Variants in NKAIN3 observed in about 807,000 individuals in gnomAD.
NKAIN3 encodes sodium/potassium transporting ATPase interacting 3, also known as sodium/potassium-transporting ATPase subunit beta-1-interacting protein 3.
A neutral mutation model predicts 30.2 loss-of-function variants in NKAIN3; 25 were observed. The observed-to-expected ratio is 0.83, with a 90% confidence interval of 0.60 to 1.16. The LOEUF (loss-of-function observed/expected upper bound fraction) is 1.16, where lower values mean the gene tolerates loss of function less well. NKAIN3 is among the 50% of genes most tolerant of loss of function. The pLI is 0.00. For missense variants in NKAIN3, 225 were observed against 254.1 expected, an observed-to-expected ratio of 0.89 and a Z score of 0.78; for synonymous variants, 91 against 89.6, an observed-to-expected ratio of 1.02 and a Z score of -0.09.
intron 1 of NKAIN3, among the ~76,000 whole-genome samples, chr8:62,568,820 C>T (rs1022479595): frequency 6.6e-6 from 1 of 152,122 alleles, no homozygotes. Flanking sequence ...GACTAAAACA[C>T]ATATAAACAG....
chr8:62,950,273 C>T (rs1247565237), intron 5 of NKAIN3, among the ~76,000 whole-genome samples: 2 of 152,014 alleles, frequency 1.3e-5, no homozygotes, highest in Non-Finnish European at 2.9e-5. Context: ...TTTAATTTGC[C>T]CCTTTACTTG....
intron 1 of NKAIN3, among the ~76,000 whole-genome samples, chr8:62,570,823 C>T (rs1476652979): frequency 6.6e-6 from 1 of 152,084 alleles, no homozygotes; most frequent in Non-Finnish European, 1.5e-5. Flanking sequence ...ACTCTCATTC[C>T]ACTTGGATTT....
chr8:62,865,579 A>T, intron 4 of NKAIN3, among the ~76,000 whole-genome samples: 1 of 152,160 alleles, frequency 6.6e-6, no homozygotes, highest in South Asian at 2.1e-4. Flanking sequence ...GTGTTGTGTG[A>T]CATGCAAATG....
At chr8:62,281,825 G>A (rs968058638) in intron 1 of NKAIN3, among the ~76,000 whole-genome samples, 1 of 151,986 alleles carries the variant, frequency 6.6e-6, no homozygotes, top group African/African-American at 2.4e-5. Flanking sequence ...TTTCTTTTAT[G>A]TTGAGCAAAT....
intron 1 of NKAIN3, among the ~76,000 whole-genome samples, chr8:62,315,226 G>C (rs1218762216): frequency 6.6e-6 from 1 of 152,108 alleles, no homozygotes; most frequent in African/African-American, 2.4e-5. Flanking sequence ...GTCTAAAATG[G>C]AATTCATAGA....
chr8:62,715,551 C>A (rs1469544745), intron 3 of NKAIN3, among the ~76,000 whole-genome samples: 2 of 152,230 alleles, frequency 1.3e-5, no homozygotes, highest in East Asian at 3.9e-4. Flanking sequence ...TCCTCATCTG[C>A]AAGGTCAACA....
intron 1 of NKAIN3, among the ~76,000 whole-genome samples, chr8:62,395,268 C>T (rs1214337153): frequency 2.7e-5 from 4 of 149,872 alleles, no homozygotes; most frequent in Non-Finnish European, 5.9e-5. Flanking sequence ...CCTCACTTCC[C>T]AGACATTGCG....
intron 5 of NKAIN3, among the ~76,000 whole-genome samples, chr8:62,992,790 G>A (rs59202889): frequency 0.19 from 28,294 of 150,646 alleles, 2,849 homozygotes; most frequent in East Asian, 0.38. Flanking sequence ...AGAATTACCT[G>A]ATCCCTTCTG....
chr8:62,258,083 T>C (rs1812315789), intron 1 of NKAIN3, among the ~76,000 whole-genome samples: 1 of 152,196 alleles, frequency 6.6e-6, no homozygotes, highest in Non-Finnish European at 1.5e-5. Flanking sequence ...ACCTGTGTTG[T>C]AGCAATGTAT....
At chr8:62,394,662 G>A (rs78612272) in intron 1 of NKAIN3, among the ~76,000 whole-genome samples, 1 of 38,594 alleles carries the variant, frequency 2.6e-5, no homozygotes, top group Non-Finnish European at 1.1e-4. Context: ...TCCCAGACCT[G>A]GCGGCAGCGG....
intron 1 of NKAIN3, among the ~76,000 whole-genome samples, chr8:62,313,028 G>GA (rs1162581956): frequency 4.7e-4 from 69 of 147,780 alleles, no homozygotes; most frequent in South Asian, 4.3e-4. Context: ...AGGAATGTAA[G>GA]AAAAAAAAAA....
intron 3 of NKAIN3, among the ~76,000 whole-genome samples, chr8:62,595,590 G>A (rs907828600): frequency 2.0e-5 from 3 of 151,858 alleles, no homozygotes; most frequent in Non-Finnish European, 4.4e-5. Context: ...TGCCTAATTA[G>A]CATTTTAGTG....
chr8:62,366,287 T>C (rs6472016), intron 1 of NKAIN3, among the ~76,000 whole-genome samples: 145,890 of 150,468 alleles, frequency 0.97, 70,780 homozygotes, highest in East Asian at 1. Flanking sequence ...AGTGCAGTGG[T>C]GTGATTTCGG....
chr8:62,535,794 A>T (rs1288019032), intron 1 of NKAIN3, among the ~76,000 whole-genome samples: 2 of 152,070 alleles, frequency 1.3e-5, no homozygotes, highest in African/African-American at 4.8e-5. Flanking sequence ...TGACTTCAGC[A>T]TTCCTACTTC....
intron 5 of NKAIN3, among the ~76,000 whole-genome samples, chr8:62,937,926 C>T (rs186160609): frequency 1.2e-4 from 18 of 152,094 alleles, no homozygotes; most frequent in East Asian, 9.7e-4. Flanking sequence ...CTATCATTGC[C>T]GGCTTTCTCC....
intron 1 of NKAIN3, among the ~76,000 whole-genome samples, chr8:62,361,438 G>A (rs1816558969): frequency 6.6e-6 from 1 of 152,198 alleles, no homozygotes; most frequent in African/African-American, 2.4e-5. Flanking sequence ...GCAATAGTAG[G>A]AATTTTTTAA....
Position 62,957,559 on chromosome 8 carries a change from G to A in NKAIN3, c.603+3587G>A, listed in dbSNP as rs564775637. Among the ~76,000 whole-genome samples, 12 of 152,290 alleles carry A rather than the reference G, an allele frequency of 7.9e-5. No individual in the cohort carries two copies. In the South Asian group the frequency reaches 8.3e-4, roughly 11 times the overall value. On this transcript the variant is annotated intron_variant, in intron 6 of 6. Transcript: ENST00000623646. ...TAATGCTAAAAAGAAATGAGCTATG[G>A]CATCATGAAATGACATGGAGGAGCA...
chr8:62,383,912 C>T (rs1054969905), intron 1 of NKAIN3, among the ~76,000 whole-genome samples: 25 of 147,162 alleles, frequency 1.7e-4, no homozygotes, highest in African/African-American at 6.0e-4. Flanking sequence ...AGACCTTGGG[C>T]TGGATTTATG....
At chr8:62,891,160 C>T (rs1821286221) in intron 4 of NKAIN3, among the ~76,000 whole-genome samples, 1 of 152,158 alleles carries the variant, frequency 6.6e-6, no homozygotes, top group Admixed American at 6.5e-5. Flanking sequence ...CTGGGAGAGG[C>T]AGACCCACCG....
Sources: gnomAD v4.1 joint callset for allele counts (sites outside exome capture counted in the v4.1 genomes callset) on GRCh38, gnomAD v4.1.1 for gene constraint, MANE v1.5 for transcripts, NCBI Gene and HGNC (gene_info 2026-07-23, HGNC 2026-07-21) for gene names.